CHIC1: variants seen among roughly 807,000 people sequenced by gnomAD.
CHIC1 encodes cysteine rich hydrophobic domain 1, also known as cysteine-rich hydrophobic domain-containing protein 1.
CHIC1 carries 7 observed loss-of-function variants against 18.5 expected under a neutral mutation model. The ratio of observed to expected loss-of-function variants is 0.38; its 90% CI spans 0.22 to 0.71. The LOEUF is 0.71. Ranked by LOEUF, CHIC1 falls within the 30% of genes least tolerant of loss-of-function variation. The pLI is 0.49. For missense variants in CHIC1, 159 were observed against 176.9 expected (o/e 0.90, Z 0.57); for synonymous variants, 77 against 73.5 (o/e 1.05, Z -0.25).
At chrX:73,652,099 T>G (rs2057919785) in intron 3 of CHIC1, among the ~76,000 whole-genome samples, 1 of 111,445 alleles carries the variant, frequency 9.0e-6, no homozygotes, top group Admixed American at 9.6e-5. Context: ...CAACCATCCA[T>G]TCTTCGATGA....
At chrX:73,614,508 AT>A (rs1771291329) in intron 3 of CHIC1, among the ~76,000 whole-genome samples, 1 of 111,255 alleles carries the variant, frequency 9.0e-6, no homozygotes, top group Non-Finnish European at 1.9e-5. Flanking sequence ...AAATTCAAAC[AT>A]TTAGTAACCT....
Position 73,616,161 on chromosome X carries a change from G to A in CHIC1, c.507+31589G>A, listed in dbSNP as rs143217184. On this transcript the variant is annotated intron_variant, in intron 3 of 5. Coordinates refer to ENST00000373502, the MANE Select transcript of CHIC1 (RefSeq NM_001039840.4). ...CTGTAGCTGCTTAGGACTTGTGGGG[G>A]CATGGGACCCAATGTGACTACCCTC... Among the ~76,000 whole-genome samples, 706 of 110,986 alleles carry A rather than the reference G, an allele frequency of 6.4e-3. 8 individuals are homozygous for A. Among genetic ancestry groups the A allele is most frequent in the African/African-American group, 0.022 (661 of 30,480 alleles).
chrX:73,627,065 G>A (rs67342913), intron 3 of CHIC1, among the ~76,000 whole-genome samples: 5,015 of 106,292 alleles, frequency 0.047, 323 homozygotes, highest in African/African-American at 0.16. Context: ...CCACCTTTTT[G>A]GTCTTGGGCA....
intron 3 of CHIC1, among the ~76,000 whole-genome samples, chrX:73,657,585 C>G (rs1415925617): frequency 2.3e-4 from 26 of 112,080 alleles, no homozygotes; most frequent in Non-Finnish European, 2.6e-4. Flanking sequence ...TTAACTTCCT[C>G]TCTTGATATT....
chrX:73,613,174 T>C (rs906869620), intron 3 of CHIC1, among the ~76,000 whole-genome samples: 3 of 112,072 alleles, frequency 2.7e-5, no homozygotes, highest in African/African-American at 9.7e-5. Context: ...ATACCTATTC[T>C]TTCAGTCCAC....
intron 3 of CHIC1, among the ~76,000 whole-genome samples, chrX:73,604,030 G>T (rs1418023028): frequency 9.2e-6 from 1 of 108,854 alleles, no homozygotes; most frequent in Non-Finnish European, 1.9e-5. Context: ...AAATGAGTTA[G>T]GGAGGAGTCC....
At chrX:73,601,099 A>C (rs2057645539) in intron 3 of CHIC1, among the ~76,000 whole-genome samples, 1 of 106,634 alleles carries the variant, frequency 9.4e-6, no homozygotes, top group East Asian at 2.9e-4. Context: ...AGACTCCCAC[A>C]CATTAATAAT....
In CHIC1 at chrX:73,679,676, C is replaced by G; in HGVS notation, c.587C>G (p.Thr196Ser). ...YHKLALHWKLTKRKCETSNMM... is the reference protein window; with the variant it reads ...YHKLALHWKLSKRKCETSNMM... Reference sequence around the variant, plus strand: ...TAGCTTGCTTTGCACTGGAAGTTGACTAAGAGGAAATGTGAAACTAGCAAT... The same window carrying G: ...TAGCTTGCTTTGCACTGGAAGTTGAGTAAGAGGAAATGTGAAACTAGCAAT... Residue 196 changes from threonine to serine, a missense_variant, in exon 5 of 6, where the codon ACT becomes AGT. Transcript: ENST00000373502. 5.3e-6 allele frequency: 6 copies of G among 1,129,304 alleles called. No homozygotes were observed. Among genetic ancestry groups the G allele is most frequent in the Non-Finnish European group, 5.9e-6 (5 of 849,406 alleles). The allele number at this position is 1,129,304 out of a possible 1,213,427, so 93.1% of individuals were successfully genotyped here.
chrX:73,572,614 C>T (rs55685385), intron 1 of CHIC1, among the ~76,000 whole-genome samples: 5,347 of 110,798 alleles, frequency 0.048, 323 homozygotes, highest in African/African-American at 0.16. Flanking sequence ...TCAGCAGCCC[C>T]GCCAACATCT....
chrX:73,683,140 T>C lies in CHIC1; in HGVS notation c.*2135T>C, dbSNP rs943683299. ...GTGAATTGTTTCCATGAAACAATTA[T>C]TGAGAATGGGAATACAGTATATCTG... On this transcript the variant is annotated 3_prime_UTR_variant, in exon 6 of 6. Coordinates refer to ENST00000373502, the MANE Select transcript of CHIC1 (RefSeq NM_001039840.4). The C allele has an allele frequency of 1.8e-5, 2 of 111,168 alleles. No individual in the cohort carries two copies. The highest frequency in any genetic ancestry group is 9.6e-5 in the Admixed American group (1 of 10,448). The allele number at this position is 111,168 out of a possible 1,213,427, so 9.2% of individuals were successfully genotyped here.
At position 73,566,300 on chromosome X, in the gene CHIC1, C is replaced by T. The variant is rs1456730374; in HGVS notation, c.296+2720C>T. 2.7e-5 allele frequency among the ~76,000 whole-genome samples: 3 copies of T among 110,059 alleles called. No homozygotes were observed. The Admixed American group carries it at 2.9e-4, about 11-fold the overall frequency. ...TTGTGCCAAACTAATTTTCTTAAAA[C>T]ACAGTTTAATCATGTCACTTTCCTG... On this transcript the variant is annotated intron_variant, in intron 1 of 5. Transcript: ENST00000373502.
chrX:73,661,323 C>T (rs1350045610), intron 3 of CHIC1, among the ~76,000 whole-genome samples: 3 of 112,314 alleles, frequency 2.7e-5, no homozygotes, highest in Admixed American at 9.4e-5. Flanking sequence ...ATGTGTGTAA[C>T]ATCTGTTTGC....
intron 3 of CHIC1, among the ~76,000 whole-genome samples, chrX:73,672,733 G>T (rs1278321112): frequency 1.8e-5 from 2 of 112,020 alleles, no homozygotes; most frequent in Non-Finnish European, 3.8e-5. Context: ...CACTCTGATT[G>T]TAGTTTCTTT....
At chrX:73,680,341 C>T (rs1034717346) in intron 5 of CHIC1, among the ~76,000 whole-genome samples, 1 of 111,078 alleles carries the variant, frequency 9.0e-6, no homozygotes, top group Non-Finnish European at 1.9e-5. Context: ...TATGGTATCT[C>T]TCTACACTTT....
chrX:73,673,180 A>C (rs930070491), intron 3 of CHIC1, among the ~76,000 whole-genome samples: 1 of 111,748 alleles, frequency 8.9e-6, no homozygotes. Context: ...GTCAGGTAGC[A>C]TGATGCCTCC....
At chrX:73,659,110 C>T (rs774082256) in intron 3 of CHIC1, among the ~76,000 whole-genome samples, 12 of 111,667 alleles carry the variant, frequency 1.1e-4, no homozygotes, top group Admixed American at 9.5e-5. Flanking sequence ...AACATGGTCA[C>T]CTCCCTGGAG....
intron 3 of CHIC1, among the ~76,000 whole-genome samples, chrX:73,647,081 G>A (rs2057892937): frequency 9.0e-6 from 1 of 111,624 alleles, no homozygotes; most frequent in African/African-American, 3.3e-5. Context: ...TATGTCTTTG[G>A]TGCCTTCATT....
chrX:73,574,752 T>C (rs2147542136), intron 1 of CHIC1, among the ~76,000 whole-genome samples: 1 of 111,110 alleles, frequency 9.0e-6, no homozygotes, highest in African/African-American at 3.2e-5. Context: ...TTTGTATTTA[T>C]GTGGGATAGG....
At chrX:73,666,987 A>T (rs1414089858) in intron 3 of CHIC1, among the ~76,000 whole-genome samples, 1 of 111,662 alleles carries the variant, frequency 9.0e-6, no homozygotes, top group African/African-American at 3.3e-5. Context: ...TGGGAGTCTA[A>T]GCATTTTGAA....
Sources: allele counts gnomAD v4.1 joint callset (sites outside exome capture counted in the v4.1 genomes callset), GRCh38; gene constraint gnomAD v4.1.1; transcripts MANE v1.5; gene names NCBI Gene and HGNC (gene_info 2026-07-23, HGNC 2026-07-21).